The following FOXN2 variants were observed in gnomAD, a reference collection of about 807,000 sequenced individuals.
FOXN2 encodes the protein forkhead box protein N2.
FOXN2 carries 19 observed loss-of-function variants against 41.2 expected under a neutral mutation model. The observed-to-expected ratio is 0.46, with a 90% CI of 0.32 to 0.68. FOXN2 has a LOEUF of 0.68. Ranked by LOEUF, FOXN2 falls within the 30% of genes least tolerant of loss-of-function variation. FOXN2 has a pLI of 0.03. For synonymous variants in FOXN2, 195 were observed against 176.8 expected (o/e 1.10, Z -0.82); for missense variants, 587 against 509.4 (o/e 1.15, Z -1.47).
intron 5 of FOXN2, among the ~76,000 whole-genome samples, chr2:48,368,030 A>T (rs1672641229): frequency 6.6e-6 from 1 of 151,964 alleles, no homozygotes; most frequent in African/African-American, 2.4e-5. Flanking sequence ...TTTAGTAGAG[A>T]CGGGTTTCAC....
chr2:48,374,803 A>T, intron 6 of FOXN2, 117 bp from the exon 7 acceptor site: 1 of 848,900 alleles, frequency 1.2e-6, no homozygotes, highest in Non-Finnish European at 1.8e-6. Flanking sequence ...TAAAAAATCT[A>T]CAAAGCATCA....
At chr2:48,316,679 A>G (rs1668940330) in intron 1 of FOXN2, among the ~76,000 whole-genome samples, 1 of 152,218 alleles carries the variant, frequency 6.6e-6, no homozygotes, top group Admixed American at 6.5e-5. Flanking sequence ...AAAGAGTTGA[A>G]GATAAAAAAT....
At chr2:48,362,751 T>G in intron 5 of FOXN2, 44 bp downstream of exon 5, 1 of 1,524,904 alleles carries the variant, frequency 6.6e-7, no homozygotes, top group African/African-American at 1.4e-5. Flanking sequence ...ACAACAATCT[T>G]TTGGTCAACA....
At chr2:48,347,009 T>G (rs1671148183) in intron 3 of FOXN2, among the ~76,000 whole-genome samples, 1 of 152,190 alleles carries the variant, frequency 6.6e-6, no homozygotes, top group South Asian at 2.1e-4. Context: ...TGTTTCTAGT[T>G]TCTGTAGTGT....
intron 2 of FOXN2, among the ~76,000 whole-genome samples, chr2:48,339,330 A>G (rs1361484988): frequency 6.6e-6 from 1 of 152,170 alleles, no homozygotes; most frequent in African/African-American, 2.4e-5. Flanking sequence ...TGATTAGATC[A>G]TGGGGGTGGT....
intron 1 of FOXN2, among the ~76,000 whole-genome samples, chr2:48,318,799 A>C (rs940359676): frequency 6.6e-6 from 1 of 152,214 alleles, no homozygotes; most frequent in African/African-American, 2.4e-5. Flanking sequence ...ATCACATAGG[A>C]TGTATCTCCT....
At chr2:48,362,237 G>C (rs1558636391) in intron 4 of FOXN2, among the ~76,000 whole-genome samples, 2 of 152,150 alleles carry the variant, frequency 1.3e-5, no homozygotes, top group Admixed American at 1.3e-4. Flanking sequence ...GTTTTTGGTG[G>C]TACAAATTAG....
chr2:48,355,314 C>A (rs1671719690), intron 3 of FOXN2, among the ~76,000 whole-genome samples: 1 of 151,834 alleles, frequency 6.6e-6, no homozygotes, highest in Non-Finnish European at 1.5e-5. Flanking sequence ...AGGATGCAGT[C>A]CAGAGTATAG....
chr2:48,321,621 A>C (rs1669326520), intron 1 of FOXN2, among the ~76,000 whole-genome samples: 1 of 152,134 alleles, frequency 6.6e-6, no homozygotes, highest in Non-Finnish European at 1.5e-5. Context: ...TGGTAAGGGT[A>C]AAAGTATTAT....
At chr2:48,317,889 G>C (rs1460031938) in intron 1 of FOXN2, among the ~76,000 whole-genome samples, 1 of 151,758 alleles carries the variant, frequency 6.6e-6, no homozygotes, top group African/African-American at 2.4e-5. Flanking sequence ...TTACAGGCGG[G>C]AACCACCACG....
intron 2 of FOXN2, among the ~76,000 whole-genome samples, chr2:48,334,049 G>GT (rs1378575287): frequency 1.2e-4 from 18 of 151,950 alleles, no homozygotes; most frequent in Non-Finnish European, 2.9e-5. Flanking sequence ...TGGAAGTAAG[G>GT]TTTTTTTGGT....
At position 48,373,315 on chromosome 2, in the gene FOXN2, G is replaced by A. The variant is rs770447526; in HGVS notation, c.727G>A (p.Ala243Thr). 2.5e-6 allele frequency: 4 copies of A among 1,591,484 alleles called. No individual in the cohort carries two copies. The South Asian group carries it at 4.5e-5, about 18-fold the overall frequency. ...AGAATCTGATATTGATGCTGCTGCTGCAATGATGCTTTTAAATACTTCTAT... is the reference window on the plus strand; with the variant it reads ...AGAATCTGATATTGATGCTGCTGCTACAATGATGCTTTTAAATACTTCTAT... ...LKESDIDAAAAMMLLNTSIEQ... is the reference protein window; with the variant it reads ...LKESDIDAAATMMLLNTSIEQ... The change falls in exon 6 of 7, where the codon GCA becomes ACA. Residue 243 changes from alanine to threonine, a missense_variant. Transcript: ENST00000340553.
At chr2:48,344,126 A>G (rs1670944247) in intron 2 of FOXN2, among the ~76,000 whole-genome samples, 1 of 152,228 alleles carries the variant, frequency 6.6e-6, no homozygotes, top group African/African-American at 2.4e-5. Context: ...CTCTATGAAT[A>G]GAGAGACTTT....
chr2:48,331,984 A>G (rs1479681762), intron 2 of FOXN2, among the ~76,000 whole-genome samples: 1 of 152,144 alleles, frequency 6.6e-6, no homozygotes, highest in Non-Finnish European at 1.5e-5. Flanking sequence ...GATCTACCGC[A>G]TTTGTTAAAA....
At chr2:48,348,158 C>T (rs1021716434) in intron 3 of FOXN2, among the ~76,000 whole-genome samples, 3 of 152,076 alleles carry the variant, frequency 2.0e-5, no homozygotes, top group African/African-American at 7.2e-5. Context: ...TTCTGCCTCA[C>T]TCCTACTTTT....
chr2:48,362,508 G>A, intron 4 of FOXN2, 135 bp from the exon 5 acceptor site: 2 of 690,836 alleles, frequency 2.9e-6, no homozygotes, highest in Non-Finnish European at 5.1e-6. Flanking sequence ...AGTCAAGGCT[G>A]CAGTAGGCTG....
At chr2:48,371,368 G>A (rs1672884473) in intron 5 of FOXN2, among the ~76,000 whole-genome samples, 1 of 152,054 alleles carries the variant, frequency 6.6e-6, no homozygotes, top group Non-Finnish European at 1.5e-5. Context: ...CTGCCTTCCA[G>A]CCTGGGTGGC....
chr2:48,314,339 C>T (rs1668741068), upstream of FOXN2, among the ~76,000 whole-genome samples: 1 of 152,238 alleles, frequency 6.6e-6, no homozygotes, highest in Non-Finnish European at 1.5e-5. Context: ...GAGGCCTTTG[C>T]ATTTTCCCGC....
At chr2:48,316,818 A>G (rs544035925) in intron 1 of FOXN2, among the ~76,000 whole-genome samples, 22 of 152,198 alleles carry the variant, frequency 1.4e-4, no homozygotes, top group Non-Finnish European at 2.8e-4. Flanking sequence ...ATTTGAATCA[A>G]TTTTACTGGA....
Sources: allele counts gnomAD v4.1 joint callset (sites outside exome capture counted in the v4.1 genomes callset), GRCh38; gene constraint gnomAD v4.1.1; transcripts MANE v1.5; gene names NCBI Gene and HGNC (gene_info 2026-07-23, HGNC 2026-07-21).